MINPP1: variants seen among roughly 807,000 people sequenced by gnomAD.
MINPP1 encodes multiple inositol polyphosphate phosphatase 1.
Under a neutral mutation model 46.1 loss-of-function variants are expected in MINPP1, and 28 were observed. The observed-to-expected ratio is 0.61, with a 90% CI of 0.45 to 0.83. The LOEUF is 0.83. MINPP1 is among the 40% of genes least tolerant of loss of function. The pLI is 0.00. For missense variants in MINPP1, 603 were observed against 610.0 expected (o/e 0.99, Z 0.12); for synonymous variants, 268 against 249.1 (o/e 1.08, Z -0.72).
intron 4 of MINPP1, among the ~76,000 whole-genome samples, chr10:87,540,207 C>A (rs1851794179): frequency 6.6e-6 from 1 of 152,196 alleles, no homozygotes; most frequent in Admixed American, 6.5e-5. Flanking sequence ...TCCTTTCTGT[C>A]ATGGTATCCT....
rs1386108034 is a variant in MINPP1 at position 87,505,657 on chromosome 10, T to C, written c.637+105T>C. ...GCTTTTCCGATGCCCCCCAGTTCTCTTTCCTCTTTTCCCAAGCCATCATCC... is the reference window on the plus strand; with the variant it reads ...GCTTTTCCGATGCCCCCCAGTTCTCCTTCCTCTTTTCCCAAGCCATCATCC... On this transcript the variant is annotated intron_variant, in intron 1 of 4. Coordinates refer to ENST00000371996, the MANE Select transcript of MINPP1 (RefSeq NM_004897.5). The surrounding 1 kb of genome is among the most constrained non-coding windows in gnomAD (Gnocchi z 4.4). 1 of 1,034,926 alleles carries C rather than the reference T, an allele frequency of 9.7e-7. No individual in the cohort carries two copies. The highest frequency in any genetic ancestry group is 1.6e-5 in the African/African-American group (1 of 62,152). The allele number at this position is 1,034,926 out of a possible 1,614,324, so 64.1% of individuals were successfully genotyped here. A position where few individuals can be genotyped will look rare whatever the true frequency, so the allele number is the denominator to read the frequency against.
rs749212638 is a variant in MINPP1, at chr10:87,504,957, G to C, written c.42G>C (p.Ala14=). 6.2e-7 allele frequency: 1 copy of C among 1,611,742 alleles called. No individual in the cohort carries two copies. The change falls in exon 1 of 5, where the codon GCG becomes GCC. Residue 14 remains alanine (A), a synonymous_variant. Transcript: ENST00000371996. ...APGCLLRTSV[A]PAAALAAALL... is the part of the protein sequence containing the mutation. ...GCTGCCTCCTCCGGACCTCCGTAGC[G>C]CCTGCCGCGGCCCTGGCTGCGGCGC... is the stretch of plus-strand genomic sequence containing the variant.
At chr10:87,508,602 A>T in intron 2 of MINPP1, 69 bp downstream of exon 2, 1 of 1,429,046 alleles carries the variant, frequency 7.0e-7, no homozygotes, top group African/African-American at 1.4e-5. Context: ...AAATGAAAAC[A>T]TAAGGAAACA....
intron 4 of MINPP1, among the ~76,000 whole-genome samples, chr10:87,539,380 A>C (rs1449171334): frequency 6.6e-6 from 1 of 152,140 alleles, no homozygotes; most frequent in African/African-American, 2.4e-5. Flanking sequence ...TTTCTTTGGG[A>C]TACTTCTGCC....
At chr10:87,550,254 A>G (rs1360459419) in intron 4 of MINPP1, among the ~76,000 whole-genome samples, 1 of 152,216 alleles carries the variant, frequency 6.6e-6, no homozygotes, top group African/African-American at 2.4e-5. Context: ...GTCAAACTAA[A>G]TATGGCTGTG....
Position 87,508,458 on chromosome 10 carries a change from A to G in MINPP1, c.760A>G (p.Thr254Ala). The G allele has an allele frequency of 1.2e-6, 2 of 1,613,912 alleles. No homozygotes were observed. The highest frequency in any genetic ancestry group is 1.7e-6 in the Non-Finnish European group (2 of 1,179,882). The change falls in exon 2 of 5, where the codon ACT (threonine) becomes GCT (alanine). Residue 254 changes from threonine to alanine, a missense_variant. Physicochemically the swap from Thr to Ala is moderately conservative, Grantham distance 58 (BLOSUM62 0). This residue lies in a region of MINPP1 where 344 missense variants were observed against 381.1 expected (regional missense o/e 0.90). Transcript: ENST00000371996. ...TALYHVEAFK[T>A]GPEMQNILKK... ...TCTTTATCACGTGGAAGCCTTCAAAACTGGACCAGAAATGCAGAACATTTT... is the reference window on the plus strand; with the variant it reads ...TCTTTATCACGTGGAAGCCTTCAAAGCTGGACCAGAAATGCAGAACATTTT...
chr10:87,526,585 A>C (rs954110910), intron 4 of MINPP1, among the ~76,000 whole-genome samples: 2 of 152,156 alleles, frequency 1.3e-5, no homozygotes, highest in Non-Finnish European at 2.9e-5. Flanking sequence ...TTTTGTTGCC[A>C]TTGCTTTTGG....
chr10:87,506,420 T>G (rs1030227562), intron 1 of MINPP1, among the ~76,000 whole-genome samples: 7 of 152,204 alleles, frequency 4.6e-5, no homozygotes, highest in Non-Finnish European at 7.3e-5. Flanking sequence ...TCATGCCTAT[T>G]GTATGCCAGG....
Position 87,505,232 on chromosome 10 carries a change from A to C in MINPP1, c.317A>C (p.His106Pro). 1 of 1,612,746 alleles carries C rather than the reference A, an allele frequency of 6.2e-7. No homozygotes were observed. The change falls in exon 1 of 5, where the codon CAC (histidine) becomes CCC (proline). Residue 106 changes from histidine (H) to proline (P), a missense_variant. His to Pro is a moderately conservative substitution (Grantham distance 77). Transcript: ENST00000371996. The surrounding 1 kb of genome is among the most constrained non-coding windows in gnomAD (Gnocchi z 4.4). ...VKQIRKLRQLHGLLQARGSRD... is the reference protein window; with the variant it reads ...VKQIRKLRQLPGLLQARGSRD... ...CAGATCCGCAAGCTGAGGCAGCTGC[A>C]CGGGTTGCTGCAGGCCCGCGGGTCC...
chr10:87,530,332 A>G (rs1851639716), intron 4 of MINPP1, among the ~76,000 whole-genome samples: 2 of 152,118 alleles, frequency 1.3e-5, no homozygotes, highest in Admixed American at 1.3e-4. Flanking sequence ...GTTTCTCCCC[A>G]TCTTTGTGGT....
intron 4 of MINPP1, among the ~76,000 whole-genome samples, chr10:87,550,433 A>T (rs997475070): frequency 2.0e-5 from 3 of 152,170 alleles, no homozygotes; most frequent in African/African-American, 7.2e-5. Flanking sequence ...TTTAGAGAAT[A>T]TTAATCTGAA....
intron 4 of MINPP1, among the ~76,000 whole-genome samples, chr10:87,544,299 G>T (rs1457373683): frequency 2.0e-5 from 3 of 152,194 alleles, no homozygotes; most frequent in Non-Finnish European, 4.4e-5. Flanking sequence ...GAAAGGATGT[G>T]GAGCTTCCAT....
intron 4 of MINPP1, among the ~76,000 whole-genome samples, chr10:87,522,561 A>G (rs1851518177): frequency 1.3e-5 from 2 of 152,328 alleles, no homozygotes; most frequent in African/African-American, 4.8e-5. Flanking sequence ...AGTGTGCAAT[A>G]GCATTTTGTC....
chr10:87,526,627 A>G (rs909877721), intron 4 of MINPP1, among the ~76,000 whole-genome samples: 19 of 152,192 alleles, frequency 1.2e-4, no homozygotes, highest in Admixed American at 8.5e-4. Context: ...GCCCATGCCT[A>G]TGTCCTGAAT....
chr10:87,540,092 A>G (rs751162497), intron 4 of MINPP1, among the ~76,000 whole-genome samples: 1 of 151,254 alleles, frequency 6.6e-6, no homozygotes, highest in Non-Finnish European at 1.5e-5. Flanking sequence ...CTAGTCTCAA[A>G]CTCCTGGGCT....
At chr10:87,546,946 GA>G (rs1851895354) in intron 4 of MINPP1, among the ~76,000 whole-genome samples, 1 of 151,676 alleles carries the variant, frequency 6.6e-6, no homozygotes, top group African/African-American at 2.4e-5. Context: ...CAAAAACAAG[GA>G]AAAAAATATC....
intron 2 of MINPP1, chr10:87,509,699 G>A: frequency 3.0e-6 from 1 of 338,584 alleles, no homozygotes; most frequent in Non-Finnish European, 6.1e-6. Flanking sequence ...TACATAAATG[G>A]GATATTGTTT....
chr10:87,513,320 G>A (rs1297832080), intron 3 of MINPP1, 99 bp downstream of exon 3: 3 of 797,822 alleles, frequency 3.8e-6, no homozygotes, highest in African/African-American at 3.4e-5. Context: ...CAGAAAATGA[G>A]TAGTTAGGGA....
rs1315199546 is a variant in MINPP1 at position 87,536,621 on chromosome 10, G to T, written c.1067+15452G>T. Among the ~76,000 whole-genome samples, 14 of 152,080 alleles carry T rather than the reference G, an allele frequency of 9.2e-5. No individual in the cohort carries two copies. The East Asian group carries it at 2.7e-3, about 29-fold the overall frequency. On this transcript the variant is annotated intron_variant, in intron 4 of 4. Transcript: ENST00000371996. ...ACTTTCTGTCACTATACATTAAGTT[G>T]TATTTTCTAGGATTTTATATAATGG...
Sources: allele counts gnomAD v4.1 joint callset (sites outside exome capture counted in the v4.1 genomes callset), GRCh38; gene constraint gnomAD v4.1.1; regional missense constraint gnomAD v4.1.1; non-coding constraint Gnocchi (gnomAD v3.1); transcripts MANE v1.5; gene names NCBI Gene and HGNC (gene_info 2026-07-23, HGNC 2026-07-21).